Variants in BDNF observed in about 807,000 individuals in gnomAD.
BDNF encodes the protein brain derived neurotrophic factor.
A neutral mutation model predicts 19.5 loss-of-function variants in BDNF; 1 was observed. The observed-to-expected ratio is 0.05, with a 90% CI of 0.02 to 0.24. The LOEUF is 0.24. Among genes scored for constraint, BDNF ranks in the 10% least tolerant of loss-of-function variants. The pLI is 1.00. For synonymous variants in BDNF, 100 were observed against 121.6 expected, an observed-to-expected ratio of 0.82 and a Z score of 1.17; for missense variants, 195 against 317.6, an observed-to-expected ratio of 0.61 and a Z score of 2.93.
Position 27,700,195 on chromosome 11 carries a change from G to C in BDNF, c.-53C>G, listed in dbSNP as rs1859742335. 4 of 985,552 alleles carry C rather than the reference G, an allele frequency of 4.1e-6. No homozygotes were observed. In the South Asian group the frequency reaches 1.9e-4, roughly 46 times the overall value. 61.1% of individuals were successfully genotyped at this position (985,552 alleles called of 1,614,324 possible). ...GTCCACACAAACCTCACGGGTCCCC[G>C]GCGGCGGAGTCACATCGTGGTTCCG... On this transcript the variant is annotated 5_prime_UTR_variant, in exon 1 of 2. Coordinates refer to ENST00000356660, the MANE Select transcript of BDNF (RefSeq NM_001709.5).
rs1464416663 is a variant in BDNF, at chr11:27,657,424, C to T, written c.*397G>A. On this transcript the variant is annotated 3_prime_UTR_variant, in exon 2 of 2. Transcript: ENST00000356660. This position sits in a 1 kb window ranked among gnomAD's most constrained non-coding sequence, Gnocchi z 5.0. Reference sequence around the variant, plus strand: ...AGATACTTACTGTCTAAAATGTAAACGGAATGTTTTGGTTCAAATTTTTGT... The same window carrying T: ...AGATACTTACTGTCTAAAATGTAAATGGAATGTTTTGGTTCAAATTTTTGT... The T allele has an allele frequency of 2.8e-5, 29 of 1,041,634 alleles. No homozygotes were observed. The highest frequency in any genetic ancestry group is 3.4e-5 in the Non-Finnish European group (29 of 864,820). 64.5% of individuals were successfully genotyped at this position (1,041,634 alleles called of 1,614,324 possible). A position where few individuals can be genotyped will look rare whatever the true frequency, so the allele number is the denominator to read the frequency against.
chr11:27,711,202 AT>A (rs1348385970), intron 1 of BDNF, among the ~76,000 whole-genome samples: 1 of 152,222 alleles, frequency 6.6e-6, no homozygotes, highest in African/African-American at 2.4e-5. Context: ...TAAAAGAAAA[AT>A]AATCGTCTTA....
At chr11:27,713,570 C>T (rs146203197) in intron 1 of BDNF, among the ~76,000 whole-genome samples, 2 of 152,206 alleles carry the variant, frequency 1.3e-5, no homozygotes, top group South Asian at 2.1e-4. Flanking sequence ...TTCCTTGAAG[C>T]GGGAGGAATC....
chr11:27,699,770 T>G, intron 1 of BDNF: 1 of 1,192,380 alleles, frequency 8.4e-7, no homozygotes, highest in Non-Finnish European at 1.1e-6. Context: ...ATTCCTAGCC[T>G]AGCCCCAGCA....
chr11:27,665,794 C>T lies in BDNF; in HGVS notation c.-21-7209G>A, dbSNP rs551587801. On this transcript the variant is annotated intron_variant, in intron 1 of 1. Coordinates refer to ENST00000356660, the MANE Select transcript of BDNF (RefSeq NM_001709.5). ...GAAGCTCGAAATGGGTGGAGCCCAC[C>T]GCAGCTCAAGGAGGCCTGCCTGCCT... Among the ~76,000 whole-genome samples the T allele has an allele frequency of 3.9e-5, 6 of 152,302 alleles. No individual in the cohort carries two copies. The South Asian group carries it at 8.3e-4, about 21-fold the overall frequency.
intron 1 of BDNF, among the ~76,000 whole-genome samples, chr11:27,693,918 C>T (rs1858631185): frequency 6.6e-6 from 1 of 152,078 alleles, no homozygotes; most frequent in Non-Finnish European, 1.5e-5. Context: ...TTTCCTTCTC[C>T]CTCTCTCCCT....
At chr11:27,665,629 CT>C (rs1854176974) in intron 1 of BDNF, among the ~76,000 whole-genome samples, 1 of 152,218 alleles carries the variant, frequency 6.6e-6, no homozygotes, top group South Asian at 2.1e-4. Flanking sequence ...TGTCCCAGGC[CT>C]GGCTCGGAGG....
intron 1 of BDNF, among the ~76,000 whole-genome samples, chr11:27,663,324 C>A (rs1853764779): frequency 6.6e-6 from 1 of 152,202 alleles, no homozygotes; most frequent in Non-Finnish European, 1.5e-5. Flanking sequence ...ATTAATTCAA[C>A]CACATCTATA....
chr11:27,658,651 TG>T lies in BDNF; in HGVS notation c.-21-67del. On this transcript the variant is annotated intron_variant, in intron 1 of 1. Transcript: ENST00000356660. This position sits in a 1 kb window ranked among gnomAD's most constrained non-coding sequence, Gnocchi z 5.7. Reference sequence around the variant, plus strand: ...GGCTTTCTTTCACCGGGATGCCATGTGGCCCATCTGATTGTAATTCCAGGCC... The same window carrying T: ...GGCTTTCTTTCACCGGGATGCCATGTGCCCATCTGATTGTAATTCCAGGCC... 1 of 1,613,388 alleles carries T rather than the reference TG, an allele frequency of 6.2e-7. No individual in the cohort carries two copies. The highest frequency in any genetic ancestry group is 8.5e-7 in the Non-Finnish European group (1 of 1,179,852).
intron 1 of BDNF, among the ~76,000 whole-genome samples, chr11:27,671,247 G>A (rs1265483528): frequency 6.6e-6 from 1 of 151,732 alleles, no homozygotes; most frequent in Non-Finnish European, 1.5e-5. Flanking sequence ...CATGGCACAT[G>A]TATACATATG....
chr11:27,700,456 G>A (rs1859783619), upstream of BDNF: 1 of 983,498 alleles, frequency 1.0e-6, no homozygotes, highest in African/African-American at 1.8e-5. Context: ...TCCAGGCTGC[G>A]CCTTGCGCCC....
intron 1 of BDNF, among the ~76,000 whole-genome samples, chr11:27,688,288 T>G (rs535550182): frequency 6.6e-6 from 1 of 152,326 alleles, no homozygotes; most frequent in Admixed American, 6.5e-5. Flanking sequence ...CAGGTTGACT[T>G]CAGGCAGCTG....
At chr11:27,707,807 CT>C in intron 1 of BDNF, among the ~76,000 whole-genome samples, 1 of 152,040 alleles carries the variant, frequency 6.6e-6, no homozygotes, top group Non-Finnish European at 1.5e-5. Context: ...GAAATTACTT[CT>C]TTTTTTGCTG....
In BDNF at chr11:27,698,226, C is replaced by CAAAAAAAAAAAAAAAAAAAAAAAAAA. The variant is rs10626744; in HGVS notation, c.-22+1912_-22+1937dup. 72 of 80,822 alleles carry CAAAAAAAAAAAAAAAAAAAAAAAAAA rather than the reference C, an allele frequency of 8.9e-4. 13 individuals are homozygous for CAAAAAAAAAAAAAAAAAAAAAAAAAA. The highest frequency in any genetic ancestry group is 1.3e-3 in the Non-Finnish European group (55 of 41,286). 5.0% of individuals were successfully genotyped at this position (80,822 alleles called of 1,614,324 possible). The stretch of plus-strand genomic sequence containing the variant: ...CCTGCTAACCCAGAGGTAAATTTCC[C>CAAAAAAAAAAAAAAAAAAAAAAAAAA]AAAAAAAAAAAAAAAAAAAAAAAAA... On this transcript the variant is annotated intron_variant, in intron 1 of 1. Transcript: ENST00000356660.
In BDNF at chr11:27,655,267, C is replaced by T; in HGVS notation, c.*2554G>A. 6.6e-6 allele frequency: 1 copy of T among 152,536 alleles called. No individual in the cohort carries two copies. The highest frequency in any genetic ancestry group is 1.5e-5 in the Non-Finnish European group (1 of 68,030). 9.4% of individuals were successfully genotyped at this position (152,536 alleles called of 1,614,324 possible). ...AAACAAAACAGAACAAGAACGAACA[C>T]AACAGAGAGAGATTTTAACAAAATA... is the stretch of plus-strand genomic sequence containing the variant. On this transcript the variant is annotated 3_prime_UTR_variant, in exon 2 of 2. Transcript: ENST00000356660.
At chr11:27,703,197 A>G (rs1274862211), upstream of BDNF, among the ~76,000 whole-genome samples, 1 of 152,166 alleles carries the variant, frequency 6.6e-6, no homozygotes, top group Non-Finnish European at 1.5e-5. Flanking sequence ...CCGCTACCCC[A>G]CAGACCCTCT....
intron 1 of BDNF, chr11:27,665,385 C>T (rs960545013): frequency 6.6e-6 from 1 of 152,426 alleles, no homozygotes; most frequent in Non-Finnish European, 1.5e-5. Flanking sequence ...TCTGCATTTC[C>T]AACTGAGGTA....
rs548573740 is a variant in BDNF, at chr11:27,719,501, T to C, written c.3+1911A>G. ...TCCCCTTTCCCTGAGTTACCCCGACTGACTCGGACCTGGGCTCAGTGAGGC... is the reference window on the plus strand; with the variant it reads ...TCCCCTTTCCCTGAGTTACCCCGACCGACTCGGACCTGGGCTCAGTGAGGC... On this transcript the variant is annotated intron_variant, in intron 1 of 1. Coordinates refer to the BDNF transcript ENST00000314915. 2.6e-3 allele frequency: 2,606 copies of C among 985,476 alleles called. 4 individuals carry two copies. Among genetic ancestry groups the C allele is most frequent in the South Asian group, 3.1e-3 (66 of 21,274 alleles). The allele number at this position is 985,476 out of a possible 1,614,324, so 61.0% of individuals were successfully genotyped here. A position where few individuals can be genotyped will look rare whatever the true frequency, so the allele number is the denominator to read the frequency against.
rs1852728233 is a variant in BDNF, at chr11:27,657,518, A to AAAAATAATAAATT, written c.*302_*303insAATTTATTATTTT. 7.9e-6 allele frequency: 9 copies of AAAAATAATAAATT among 1,132,406 alleles called. No individual in the cohort carries two copies. Among genetic ancestry groups the AAAAATAATAAATT allele is most frequent in the African/African-American group, 1.6e-5 (1 of 61,894 alleles). The allele number at this position is 1,132,406 out of a possible 1,614,324, so 70.1% of individuals were successfully genotyped here. On this transcript the variant is annotated 3_prime_UTR_variant, in exon 2 of 2. Coordinates refer to ENST00000356660, the MANE Select transcript of BDNF (RefSeq NM_001709.5). The surrounding 1 kb of genome is among the most constrained non-coding windows in gnomAD (Gnocchi z 5.0). ...TTTATTATCAATTCACAATTAAAGC[A>AAAAATAATAAATT]GCATGCAATTTATTATTTTTTTTAA...
Sources: allele counts gnomAD v4.1 joint callset (sites outside exome capture counted in the v4.1 genomes callset), GRCh38; gene constraint gnomAD v4.1.1; non-coding constraint Gnocchi (gnomAD v3.1); transcripts MANE v1.5; gene names NCBI Gene and HGNC (gene_info 2026-07-23, HGNC 2026-07-21).